Variants in LIN52 observed in about 807,000 individuals in gnomAD.
LIN52 encodes protein lin-52 homolog.
LIN52 carries 4 observed loss-of-function variants against 18.5 expected under a neutral mutation model. The observed-to-expected ratio is 0.22, with a 90% CI of 0.11 to 0.49. The LOEUF (loss-of-function observed/expected upper bound fraction) is 0.49. LIN52 is among the 20% of genes least tolerant of loss of function. The pLI is 0.97. For missense variants in LIN52, 102 were observed against 139.5 expected (o/e 0.73, Z 1.35); for synonymous variants, 34 against 45.5 (o/e 0.75, Z 1.02).
chr14:74,123,166 T>C (rs2061009258), intron 5 of LIN52, among the ~76,000 whole-genome samples: 2 of 152,340 alleles, frequency 1.3e-5, no homozygotes, highest in South Asian at 2.1e-4. Flanking sequence ...TAGGTCACTT[T>C]GCTAACATGG....
intron 5 of LIN52, among the ~76,000 whole-genome samples, chr14:74,150,918 C>A (rs2061174146): frequency 6.6e-6 from 1 of 152,122 alleles, no homozygotes; most frequent in African/African-American, 2.4e-5. Flanking sequence ...CAAAATATTT[C>A]TTGAGCAGGC....
intron 5 of LIN52, among the ~76,000 whole-genome samples, chr14:74,178,104 A>G (rs1173742212): frequency 3.9e-5 from 6 of 152,160 alleles, no homozygotes; most frequent in African/African-American, 1.4e-4. Flanking sequence ...AATCTCAGTC[A>G]TAGATTTTTG....
At chr14:74,198,408 C>A (rs955788391) in intron 5 of LIN52, among the ~76,000 whole-genome samples, 7 of 152,170 alleles carry the variant, frequency 4.6e-5, no homozygotes, top group African/African-American at 1.7e-4. Context: ...ACACCATCCA[C>A]AGATGAACTG....
intron 5 of LIN52, among the ~76,000 whole-genome samples, chr14:74,188,200 C>T (rs1450763485): frequency 1.3e-5 from 2 of 152,036 alleles, no homozygotes; most frequent in African/African-American, 2.4e-5. Context: ...AACAAGGCCA[C>T]CCCTAACAAT....
Position 74,154,530 on chromosome 14 carries a change from GAAGT to G in LIN52, c.284-44388_284-44385del, listed in dbSNP as rs1446094093. 7.9e-5 allele frequency among the ~76,000 whole-genome samples: 12 copies of G among 152,158 alleles called. No homozygotes were observed. In the East Asian group the frequency reaches 1.7e-3, roughly 22 times the overall value. ...AAGCAGCCAGTCCTAATTCTGGCTAGAAGTAAGAGTCTAGGTTATATGATCTGCT... is the reference window on the plus strand; with the variant it reads ...AAGCAGCCAGTCCTAATTCTGGCTAGAAGAGTCTAGGTTATATGATCTGCT... On this transcript the variant is annotated intron_variant, in intron 5 of 5. Coordinates refer to ENST00000555028, the MANE Select transcript of LIN52 (RefSeq NM_001024674.3).
intron 5 of LIN52, among the ~76,000 whole-genome samples, chr14:74,129,382 T>C (rs1365487098): frequency 3.9e-5 from 6 of 152,270 alleles, no homozygotes; most frequent in Non-Finnish European, 7.4e-5. Flanking sequence ...CTGAGAGGGT[T>C]TGAAGGCATA....
chr14:74,171,569 A>T (rs1196713876), intron 5 of LIN52, among the ~76,000 whole-genome samples: 1 of 152,086 alleles, frequency 6.6e-6, no homozygotes, highest in Non-Finnish European at 1.5e-5. Context: ...GTTATGAACT[A>T]GAAGGAAAAC....
chr14:74,159,559 TG>T (rs1487824207), intron 5 of LIN52, among the ~76,000 whole-genome samples: 1 of 123,404 alleles, frequency 8.1e-6, no homozygotes, highest in African/African-American at 3.1e-5. Flanking sequence ...TCCTCATATG[TG>T]GGGTTTGTTT....
chr14:74,161,288 C>T (rs1398265532), intron 5 of LIN52, among the ~76,000 whole-genome samples: 2 of 152,046 alleles, frequency 1.3e-5, no homozygotes, highest in Non-Finnish European at 2.9e-5. Context: ...TGGGTTCAAG[C>T]GATTCTCCTG....
At chr14:74,178,641 G>A (rs2061303562) in intron 5 of LIN52, among the ~76,000 whole-genome samples, 1 of 150,146 alleles carries the variant, frequency 6.7e-6, no homozygotes, top group Non-Finnish European at 1.5e-5. Context: ...TATTTTTTTA[G>A]TAGAGACGGG....
intron 5 of LIN52, among the ~76,000 whole-genome samples, chr14:74,138,209 A>AG (rs1046916472): frequency 1.3e-5 from 2 of 152,212 alleles, no homozygotes; most frequent in African/African-American, 4.8e-5. Flanking sequence ...CAGAAAACAG[A>AG]GGGAAAAGTG....
chr14:74,152,700 GC>G (rs1441814938), intron 5 of LIN52, among the ~76,000 whole-genome samples: 2 of 151,864 alleles, frequency 1.3e-5, no homozygotes, highest in African/African-American at 4.8e-5. Flanking sequence ...AGTGGCTTAC[GC>G]CTGTAATCCC....
chr14:74,120,909 T>C (rs578245663), intron 5 of LIN52, among the ~76,000 whole-genome samples: 1 of 151,232 alleles, frequency 6.6e-6, no homozygotes, highest in Admixed American at 6.6e-5. Context: ...AGACTCTGTC[T>C]CAAGAAAAAA....
At chr14:74,097,906 C>T (rs76479281) in intron 4 of LIN52, 46 bp downstream of exon 4, 6 of 1,380,894 alleles carry the variant, frequency 4.3e-6, no homozygotes, top group Non-Finnish European at 6.2e-6. Context: ...TTATGTTTTT[C>T]CATAGACCAC....
intron 5 of LIN52, among the ~76,000 whole-genome samples, chr14:74,110,388 A>G (rs918069567): frequency 1.3e-5 from 2 of 152,320 alleles, no homozygotes; most frequent in East Asian, 3.9e-4. Flanking sequence ...CTCTAAAAGA[A>G]AAAGATTAAG....
intron 2 of LIN52, among the ~76,000 whole-genome samples, chr14:74,093,748 C>G (rs1226074020): frequency 2.0e-5 from 3 of 152,164 alleles, no homozygotes; most frequent in Non-Finnish European, 4.4e-5. Context: ...GGCGGATTAC[C>G]TGAAGTCAGG....
intron 5 of LIN52, among the ~76,000 whole-genome samples, chr14:74,191,637 C>CTTT (rs535302894): frequency 2.1e-5 from 3 of 142,370 alleles, no homozygotes; most frequent in African/African-American, 7.7e-5. Flanking sequence ...TTCTTTCTTT[C>CTTT]TTTTTTTTTT....
At chr14:74,182,071 C>T (rs780100812) in intron 5 of LIN52, among the ~76,000 whole-genome samples, 4 of 152,178 alleles carry the variant, frequency 2.6e-5, no homozygotes, top group Non-Finnish European at 4.4e-5. Context: ...AGTGCTGTGG[C>T]GCAATCTCGG....
intron 2 of LIN52, among the ~76,000 whole-genome samples, chr14:74,091,773 C>G (rs1291595520): frequency 1.5e-5 from 1 of 65,306 alleles, no homozygotes; most frequent in African/African-American, 5.9e-5. Flanking sequence ...GACTCTGTCT[C>G]AAAAAAAAAA....
Sources: gnomAD v4.1 joint callset for allele counts (sites outside exome capture counted in the v4.1 genomes callset) on GRCh38, gnomAD v4.1.1 for gene constraint, MANE v1.5 for transcripts, NCBI Gene and HGNC (gene_info 2026-07-23, HGNC 2026-07-21) for gene names.